Variants in FHIT observed in about 807,000 individuals in gnomAD.
FHIT encodes the protein bis(5'-adenosyl)-triphosphatase.
In FHIT, 19 loss-of-function variants were observed where a neutral mutation model predicts 17.9. That is an observed-to-expected ratio of 1.06 (90% confidence interval 0.74 to 1.56). FHIT has a LOEUF of 1.56. FHIT is among the 40% of genes most tolerant of loss of function. The probability of loss-of-function intolerance (pLI) is 0.00; values close to 1 mark genes in which losing one functional copy is unlikely to be tolerated. For missense variants in FHIT, 248 were observed against 189.2 expected (o/e 1.31, Z -1.82); for synonymous variants, 81 against 69.7 (o/e 1.16, Z -0.81).
chr3:60,638,170 A>T (rs2039636808), intron 4 of FHIT, among the ~76,000 whole-genome samples: 1 of 152,238 alleles, frequency 6.6e-6, no homozygotes, highest in South Asian at 2.1e-4. Context: ...AACTAAGGGA[A>T]ATTAAACACT....
intron 4 of FHIT, among the ~76,000 whole-genome samples, chr3:60,577,303 G>A (rs1266260603): frequency 6.6e-6 from 1 of 152,106 alleles, no homozygotes. Flanking sequence ...CTTTCCAAAT[G>A]TCTAGAAGCT....
At chr3:60,675,767 TG>T (rs1577057946) in intron 4 of FHIT, among the ~76,000 whole-genome samples, 1 of 152,238 alleles carries the variant, frequency 6.6e-6, no homozygotes, top group African/African-American at 2.4e-5. Flanking sequence ...AAACTTTCTT[TG>T]TACCATTTTT....
chr3:60,371,120 G>T (rs574541000), intron 5 of FHIT, among the ~76,000 whole-genome samples: 6 of 152,112 alleles, frequency 3.9e-5, no homozygotes, highest in Non-Finnish European at 5.9e-5. Context: ...TTTTCTGACC[G>T]CTGTGTTGTT....
chr3:61,212,320 GC>G (rs1453651781), intron 1 of FHIT, among the ~76,000 whole-genome samples: 3 of 152,224 alleles, frequency 2.0e-5, no homozygotes, highest in South Asian at 4.1e-4. Flanking sequence ...AGCTGATGGA[GC>G]TGAAAGCCAA....
At chr3:60,328,195 C>CACAGA (rs1709793122) in intron 5 of FHIT, among the ~76,000 whole-genome samples, 3 of 152,136 alleles carry the variant, frequency 2.0e-5, no homozygotes, top group South Asian at 4.1e-4. Flanking sequence ...AGGCACTGAA[C>CACAGA]ACAGAGTAAG....
intron 4 of FHIT, among the ~76,000 whole-genome samples, chr3:60,681,915 A>T (rs1553696986): frequency 1.3e-5 from 2 of 152,152 alleles, no homozygotes; most frequent in Admixed American, 6.5e-5. Flanking sequence ...ATGCTGCAGC[A>T]AGTTATCCAG....
At chr3:60,362,019 C>T (rs1170906346) in intron 5 of FHIT, among the ~76,000 whole-genome samples, 1 of 152,070 alleles carries the variant, frequency 6.6e-6, no homozygotes. Flanking sequence ...ACTGTGCACA[C>T]ATCTTCTGCC....
intron 8 of FHIT, among the ~76,000 whole-genome samples, chr3:59,788,881 G>GTTTTTTTTTTTTTTTTTGT (rs60361063): frequency 1.2e-5 from 1 of 86,804 alleles, no homozygotes; most frequent in Admixed American, 1.8e-4. Context: ...GAGTTCATAT[G>GTTTTTTTTTTTTTTTTTGT]TTTTTTTTTT....
At chr3:61,112,183 G>C (rs1433857537) in intron 2 of FHIT, among the ~76,000 whole-genome samples, 2 of 152,034 alleles carry the variant, frequency 1.3e-5, no homozygotes, top group African/African-American at 4.8e-5. Context: ...GCTTATCACT[G>C]AAGGTATGCG....
intron 5 of FHIT, among the ~76,000 whole-genome samples, chr3:60,062,270 A>C (rs1702323465): frequency 6.6e-6 from 1 of 152,090 alleles, no homozygotes; most frequent in Non-Finnish European, 1.5e-5. Context: ...GGAGATGCTG[A>C]AACAATGAAT....
intron 5 of FHIT, among the ~76,000 whole-genome samples, chr3:60,111,782 T>A (rs1267402454): frequency 1.3e-5 from 2 of 152,180 alleles, no homozygotes; most frequent in South Asian, 2.1e-4. Flanking sequence ...TACCTCAGCT[T>A]TGTATCCACA....
At chr3:60,914,346 A>G (rs558603253) in intron 3 of FHIT, among the ~76,000 whole-genome samples, 1 of 152,318 alleles carries the variant, frequency 6.6e-6, no homozygotes, top group Non-Finnish European at 1.5e-5. Context: ...GCAGTGCCAG[A>G]TAATAACAGA....
intron 4 of FHIT, among the ~76,000 whole-genome samples, chr3:60,665,335 T>C (rs555614216): frequency 2.2e-4 from 34 of 152,184 alleles, no homozygotes; most frequent in African/African-American, 8.2e-4. Flanking sequence ...TCTTGATGAT[T>C]TTCTGTATAG....
intron 5 of FHIT, among the ~76,000 whole-genome samples, chr3:60,228,920 T>A (rs140530560): frequency 1.3e-5 from 2 of 152,218 alleles, no homozygotes; most frequent in African/African-American, 4.8e-5. Flanking sequence ...ATTTTAGAGA[T>A]GAAGAAACAT....
At chr3:60,258,788 AT>A (rs1446910486) in intron 5 of FHIT, among the ~76,000 whole-genome samples, 1 of 152,104 alleles carries the variant, frequency 6.6e-6, no homozygotes, top group Non-Finnish European at 1.5e-5. Context: ...ATGAAAAAGT[AT>A]TATTGGATGA....
intron 1 of FHIT, among the ~76,000 whole-genome samples, chr3:61,209,142 G>A (rs1439411640): frequency 9.4e-5 from 14 of 149,014 alleles, no homozygotes; most frequent in Non-Finnish European, 1.5e-4. Flanking sequence ...TTGAATATTG[G>A]CCCCCACTCT....
chr3:60,092,413 G>A (rs944941844), intron 5 of FHIT, among the ~76,000 whole-genome samples: 35 of 152,270 alleles, frequency 2.3e-4, no homozygotes, highest in African/African-American at 7.9e-4. Context: ...GTAGAAGTAC[G>A]AAGCAACATT....
At chr3:59,760,351 A>G (rs1032196300) in intron 8 of FHIT, among the ~76,000 whole-genome samples, 2 of 152,158 alleles carry the variant, frequency 1.3e-5, no homozygotes, top group Admixed American at 1.3e-4. Context: ...AACAGACCCC[A>G]ATTGCTTATC....
intron 7 of FHIT, among the ~76,000 whole-genome samples, chr3:59,948,348 C>CAAAAAAAAAA (rs35941668): frequency 8.6e-6 from 1 of 116,414 alleles, no homozygotes; most frequent in African/African-American, 3.4e-5. Flanking sequence ...ACTAAAAATA[C>CAAAAAAAAAA]AAAAAAAAAA....
Sources: allele counts gnomAD v4.1 joint callset (sites outside exome capture counted in the v4.1 genomes callset), GRCh38; gene constraint gnomAD v4.1.1; transcripts MANE v1.5; gene names NCBI Gene and HGNC (gene_info 2026-07-23, HGNC 2026-07-21).